Variants in PRDM11 observed in about 807,000 individuals in gnomAD.
PRDM11 encodes the protein PR/SET domain 11, also known as PR domain-containing protein 11.
Under a neutral mutation model 97.8 loss-of-function variants are expected in PRDM11, and 20 were observed. The observed-to-expected ratio is 0.20, with a 90% CI of 0.14 to 0.30. The LOEUF is 0.30. Among genes scored for constraint, PRDM11 ranks in the 10% least tolerant of loss-of-function variants. The pLI is 1.00. For missense variants in PRDM11, 1,139 were observed against 1,555.2 expected (o/e 0.73, Z 4.50); for synonymous variants, 599 against 637.7 (o/e 0.94, Z 0.91).
At chr11:45,118,292 A>G (rs1852347066) in intron 1 of PRDM11, among the ~76,000 whole-genome samples, 1 of 152,246 alleles carries the variant, frequency 6.6e-6, no homozygotes. Flanking sequence ...TTAGTTAATC[A>G]TAATGTATCA....
chr11:45,226,942 A>G lies in PRDM11; in HGVS notation c.2317A>G (p.Ile773Val), dbSNP rs1352956686. The G allele has an allele frequency of 2.0e-6, 3 of 1,533,858 alleles. No individual in the cohort carries two copies. The highest frequency in any genetic ancestry group is 2.6e-6 in the Non-Finnish European group (3 of 1,146,738). The change falls in exon 8 of 8, where the codon ATC becomes GTC. Residue 773 changes from isoleucine to valine, a missense_variant. Ile to Val is a conservative substitution (Grantham distance 29). Around this residue, in one of 2 missense-constraint regions of PRDM11, gnomAD observed 710 missense variants for 1,044.9 expected, o/e 0.68. Coordinates refer to ENST00000683152, the MANE Select transcript of PRDM11 (RefSeq NM_001384648.1). ...HRPHLEILDA[I>V]SGKELPCLEE... The stretch of plus-strand genomic sequence containing the variant: ...GCCCCACCTGGAGATCCTGGATGCC[A>G]TCAGCGGGAAGGAGCTCCCATGCCT...
chr11:45,154,191 C>CA (rs1447859793), intron 1 of PRDM11, among the ~76,000 whole-genome samples: 1 of 151,756 alleles, frequency 6.6e-6, no homozygotes, highest in Non-Finnish European at 1.5e-5. Flanking sequence ...CCTGTATTTA[C>CA]AAAAAATGAA....
At chr11:45,131,838 A>AT (rs1852728049) in intron 1 of PRDM11, among the ~76,000 whole-genome samples, 1 of 152,248 alleles carries the variant, frequency 6.6e-6, no homozygotes, top group Non-Finnish European at 1.5e-5. Context: ...ACAGGAGTCC[A>AT]AAGATAGGGC....
chr11:45,218,737 A>T (rs1211398708), intron 5 of PRDM11, among the ~76,000 whole-genome samples: 1 of 152,194 alleles, frequency 6.6e-6, no homozygotes, highest in Non-Finnish European at 1.5e-5. Flanking sequence ...GATGTCGCAC[A>T]TGTTGTTTCA....
intron 1 of PRDM11, among the ~76,000 whole-genome samples, chr11:45,109,334 G>A (rs1852124858): frequency 6.6e-6 from 1 of 152,176 alleles, no homozygotes; most frequent in Non-Finnish European, 1.5e-5. Context: ...CTCAAGAAAA[G>A]GGACACCCAG....
intron 1 of PRDM11, among the ~76,000 whole-genome samples, chr11:45,148,795 T>C (rs1463730950): frequency 6.6e-6 from 1 of 152,192 alleles, no homozygotes; most frequent in Non-Finnish European, 1.5e-5. Flanking sequence ...TTCCAGGTTG[T>C]TGGCAAGTAT....
rs367630802 is a variant in PRDM11, at chr11:45,224,626, G to T, written c.1152G>T (p.Glu384Asp). 1.2e-6 allele frequency: 2 copies of T among 1,614,028 alleles called. No individual in the cohort carries two copies. The highest frequency in any genetic ancestry group is 4.5e-5 in the East Asian group (2 of 44,886). Residue 384 changes from glutamate to aspartate, a missense_variant, in exon 7 of 8, where the codon GAG (glutamate) becomes GAT (aspartate). Physicochemically the swap from Glu to Asp is conservative, Grantham distance 45. Transcript: ENST00000683152. ...GCCAATTGGAGGATGAAGAAGAGGA[G>T]CCTTCATCATTCAAGGCCGACAGTC... is the stretch of plus-strand genomic sequence containing the variant. ...EPGQLEDEEE[E>D]PSSFKADSPA...
intron 1 of PRDM11, among the ~76,000 whole-genome samples, chr11:45,112,289 T>C (rs1852199240): frequency 6.6e-6 from 1 of 152,262 alleles, no homozygotes. Flanking sequence ...TTCTTATGGC[T>C]GAGTAATATT....
At chr11:45,216,262 C>T (rs1853953094) in intron 5 of PRDM11, 1 of 152,242 alleles carries the variant, frequency 6.6e-6, no homozygotes, top group Admixed American at 6.5e-5. Context: ...CAGTCTCAGC[C>T]AGGCATTCTC....
chr11:45,213,942 G>A, intron 5 of PRDM11: 1 of 350,904 alleles, frequency 2.8e-6, no homozygotes, highest in African/African-American at 2.1e-5. Context: ...TCTGCCCCCT[G>A]TATCTCTGCT....
chr11:45,104,397 G>T (rs1478239601), intron 1 of PRDM11, among the ~76,000 whole-genome samples: 1 of 152,176 alleles, frequency 6.6e-6, no homozygotes, highest in African/African-American at 2.4e-5. Context: ...TCTCATCCAT[G>T]GGGGTCGGGT....
intron 1 of PRDM11, among the ~76,000 whole-genome samples, chr11:45,122,570 TATGAGTGAGAAC>T (rs756114258): frequency 9.5e-5 from 14 of 146,786 alleles, no homozygotes; most frequent in Non-Finnish European, 1.5e-5. Context: ...AATTCCCACC[TATGAGTGAGAAC>T]ATGCAGTGTT....
intron 5 of PRDM11, among the ~76,000 whole-genome samples, chr11:45,212,314 G>A (rs1214713184): frequency 6.6e-6 from 1 of 152,186 alleles, no homozygotes; most frequent in East Asian, 1.9e-4. Flanking sequence ...GGGATTTGGG[G>A]AACGTGGATT....
At chr11:45,147,082 G>A (rs1851531013) in intron 1 of PRDM11, among the ~76,000 whole-genome samples, 1 of 149,436 alleles carries the variant, frequency 6.7e-6, no homozygotes, top group South Asian at 2.1e-4. Flanking sequence ...GTGGCCGCGA[G>A]GTGGGTGAAC....
At chr11:45,100,067 TC>T in intron 1 of PRDM11, among the ~76,000 whole-genome samples, 1 of 152,272 alleles carries the variant, frequency 6.6e-6, no homozygotes, top group East Asian at 1.9e-4. Context: ...TTTTTAAGCA[TC>T]ATAAAATGGC....
intron 1 of PRDM11, among the ~76,000 whole-genome samples, chr11:45,152,232 A>G (rs975864865): frequency 6.6e-6 from 1 of 151,836 alleles, no homozygotes; most frequent in Admixed American, 6.6e-5. Flanking sequence ...ACACTTGGCT[A>G]TTTTTTGTAT....
At chr11:45,128,439 G>A (rs905905312) in intron 1 of PRDM11, among the ~76,000 whole-genome samples, 7 of 152,048 alleles carry the variant, frequency 4.6e-5, no homozygotes, top group African/African-American at 9.7e-5. Flanking sequence ...CTTCTGCGTC[G>A]CTCACGCTGG....
intron 1 of PRDM11, among the ~76,000 whole-genome samples, chr11:45,179,959 G>GGCCTTGCTCCCACCT (rs1852426850): frequency 6.6e-6 from 1 of 152,196 alleles, no homozygotes; most frequent in Non-Finnish European, 1.5e-5. Context: ...AAATCCACAG[G>GGCCTTGCTCCCACCT]GCCTTGCTCC....
At chr11:45,108,837 C>T (rs1217475103) in intron 1 of PRDM11, among the ~76,000 whole-genome samples, 4 of 152,276 alleles carry the variant, frequency 2.6e-5, no homozygotes, top group African/African-American at 9.6e-5. Flanking sequence ...CATGCACCCG[C>T]AGGCCAGGCA....
Sources: allele counts gnomAD v4.1 joint callset (sites outside exome capture counted in the v4.1 genomes callset), GRCh38; gene constraint gnomAD v4.1.1; regional missense constraint gnomAD v4.1.1; transcripts MANE v1.5; gene names NCBI Gene and HGNC (gene_info 2026-07-23, HGNC 2026-07-21).